Variants in LSAMP observed in about 807,000 individuals in gnomAD.
LSAMP encodes the protein limbic system associated membrane protein.
LSAMP carries 7 observed loss-of-function variants against 38.6 expected under a neutral mutation model. The ratio of observed to expected loss-of-function variants is 0.18; its 90% CI spans 0.10 to 0.34. The LOEUF (loss-of-function observed/expected upper bound fraction) is 0.34. Ranked by LOEUF, LSAMP falls within the 10% of genes least tolerant of loss-of-function variation. The pLI, the probability that LSAMP is intolerant of heterozygous loss-of-function variation, is 1.00. For synonymous variants in LSAMP, 154 were observed against 166.8 expected, an observed-to-expected ratio of 0.92 and a Z score of 0.59; for missense variants, 313 against 420.0, an observed-to-expected ratio of 0.75 and a Z score of 2.23.
intron 1 of LSAMP, among the ~76,000 whole-genome samples, chr3:116,270,535 C>T (rs2046957542): frequency 6.6e-6 from 1 of 152,090 alleles, no homozygotes; most frequent in Non-Finnish European, 1.5e-5. Flanking sequence ...CTTCAGCCAC[C>T]AATAAGGACT....
intron 1 of LSAMP, among the ~76,000 whole-genome samples, chr3:116,297,052 A>C (rs1047639572): frequency 3.3e-5 from 5 of 152,198 alleles, no homozygotes; most frequent in African/African-American, 1.2e-4. Flanking sequence ...GAAATATGTC[A>C]GGATTCTGAG....
At chr3:115,924,400 A>C (rs1937452460) in intron 3 of LSAMP, among the ~76,000 whole-genome samples, 1 of 152,142 alleles carries the variant, frequency 6.6e-6, no homozygotes, top group Non-Finnish European at 1.5e-5. Context: ...TACAATTGCC[A>C]ATGGACTTAT....
At chr3:115,979,231 A>G (rs142703419) in intron 3 of LSAMP, among the ~76,000 whole-genome samples, 20 of 152,036 alleles carry the variant, frequency 1.3e-4, no homozygotes, top group African/African-American at 4.6e-4. Context: ...AGTTGGTCGT[A>G]TTGAAGCTTC....
chr3:116,036,886 A>G (rs557618048), intron 2 of LSAMP, among the ~76,000 whole-genome samples: 25 of 152,138 alleles, frequency 1.6e-4, no homozygotes, highest in African/African-American at 2.9e-4. Flanking sequence ...CTCCATTTGC[A>G]TATGCTAGCT....
intron 1 of LSAMP, among the ~76,000 whole-genome samples, chr3:116,173,476 A>G (rs1054209219): frequency 2.0e-5 from 3 of 151,250 alleles, no homozygotes; most frequent in South Asian, 4.2e-4. Flanking sequence ...GCAAATGCCC[A>G]CTAATAATTC....
chr3:116,323,743 C>T (rs776060977), intron 1 of LSAMP, among the ~76,000 whole-genome samples: 3 of 152,088 alleles, frequency 2.0e-5, no homozygotes, highest in Non-Finnish European at 4.4e-5. Flanking sequence ...CAATTTCAAC[C>T]TCTAATCATG....
chr3:116,148,688 T>C (rs1321894177), intron 1 of LSAMP, among the ~76,000 whole-genome samples: 2 of 151,970 alleles, frequency 1.3e-5, no homozygotes, highest in African/African-American at 4.8e-5. Context: ...CTTTGTTCCA[T>C]GTAACCTCAG....
At chr3:115,964,263 T>C (rs1938724326) in intron 3 of LSAMP, among the ~76,000 whole-genome samples, 1 of 152,242 alleles carries the variant, frequency 6.6e-6, no homozygotes, top group African/African-American at 2.4e-5. Flanking sequence ...ATATGTGTCT[T>C]ACTCATGTTT....
intron 3 of LSAMP, among the ~76,000 whole-genome samples, chr3:115,866,260 A>G (rs1935855967): frequency 6.6e-6 from 1 of 152,104 alleles, no homozygotes; most frequent in Admixed American, 6.6e-5. Context: ...TAGATTCATG[A>G]CAAAAGCCAA....
chr3:116,143,285 T>C (rs1451975104), intron 1 of LSAMP, among the ~76,000 whole-genome samples: 1 of 151,914 alleles, frequency 6.6e-6, no homozygotes, highest in Non-Finnish European at 1.5e-5. Context: ...AAAATATCCA[T>C]TTTATCTGTT....
chr3:116,281,765 T>A (rs1211359464), intron 1 of LSAMP, among the ~76,000 whole-genome samples: 4 of 152,204 alleles, frequency 2.6e-5, no homozygotes, highest in African/African-American at 9.6e-5. Context: ...TGTCACAGCA[T>A]TCTGAAGCAT....
chr3:116,002,183 C>A (rs1039708045), intron 3 of LSAMP, among the ~76,000 whole-genome samples: 1 of 152,142 alleles, frequency 6.6e-6, no homozygotes, highest in Non-Finnish European at 1.5e-5. Flanking sequence ...TGGTCCAAAC[C>A]AGCAGGAGAC....
At chr3:116,395,715 T>C (rs948992414) in intron 1 of LSAMP, among the ~76,000 whole-genome samples, 3 of 152,178 alleles carry the variant, frequency 2.0e-5, no homozygotes, top group Non-Finnish European at 2.9e-5. Context: ...AGCCACTTCA[T>C]GGAAGGGGAA....
chr3:115,841,784 G>A (rs74742071), intron 6 of LSAMP, 61 bp downstream of exon 6: 185 of 1,528,882 alleles, frequency 1.2e-4, no homozygotes, highest in East Asian at 5.7e-4. Context: ...TGGTTTTCAC[G>A]TTTTTCATGT....
chr3:115,858,144 TC>T (rs1231688616), intron 3 of LSAMP, among the ~76,000 whole-genome samples: 2 of 109,158 alleles, frequency 1.8e-5, no homozygotes, highest in African/African-American at 7.0e-5. Flanking sequence ...CATCTCTCTC[TC>T]TCTCTCTCTC....
intron 3 of LSAMP, among the ~76,000 whole-genome samples, chr3:115,914,179 C>T (rs532076226): frequency 2.6e-5 from 4 of 152,260 alleles, no homozygotes; most frequent in South Asian, 2.1e-4. Context: ...AGTCAAGCTC[C>T]TCTGAGCCCT....
rs181096706 is a variant in LSAMP, at chr3:116,263,890, T to C, written c.156-177334A>G. On this transcript the variant is annotated intron_variant, in intron 1 of 6. Transcript: ENST00000490035. ...TTTTGCTAAAAGTCTCGGGGAGTCA[T>C]CTATGGCTTCTTTACTTAGAGGAGA... Among the ~76,000 whole-genome samples, 511 of 152,308 alleles carry C rather than the reference T, an allele frequency of 3.4e-3. 8 individuals are homozygous for C. The highest frequency in any genetic ancestry group is 0.012 in the African/African-American group (489 of 41,564).
chr3:116,379,728 A>G (rs2048534025), intron 1 of LSAMP, among the ~76,000 whole-genome samples: 1 of 152,030 alleles, frequency 6.6e-6, no homozygotes, highest in Non-Finnish European at 1.5e-5. Flanking sequence ...AACCATAAGA[A>G]TCAGCATAAT....
At chr3:115,866,059 G>A (rs895883909) in intron 3 of LSAMP, among the ~76,000 whole-genome samples, 1 of 151,964 alleles carries the variant, frequency 6.6e-6, no homozygotes, top group Non-Finnish European at 1.5e-5. Flanking sequence ...TTCTCTCTCT[G>A]TGTCTCTTGT....
Sources: gnomAD v4.1 joint callset for allele counts (sites outside exome capture counted in the v4.1 genomes callset) on GRCh38, gnomAD v4.1.1 for gene constraint, MANE v1.5 for transcripts, NCBI Gene and HGNC (gene_info 2026-07-23, HGNC 2026-07-21) for gene names.